The following RANBP2 variants were observed in gnomAD, a reference collection of about 807,000 sequenced individuals.
RANBP2 encodes the protein RAN binding protein 2, also known as E3 SUMO-protein ligase RanBP2.
In RANBP2, 57 loss-of-function variants were observed where a neutral mutation model predicts 303.6. The observed-to-expected ratio is 0.19, with a 90% CI of 0.15 to 0.23. The LOEUF is 0.23. Ranked by LOEUF, RANBP2 falls within the 10% of genes least tolerant of loss-of-function variation. The pLI is 1.00. For missense variants in RANBP2, 3,138 were observed against 3,780.8 expected (o/e 0.83, Z 4.46); for synonymous variants, 1,167 against 1,301.5 (o/e 0.90, Z 2.23).
the RANBP2 span, among the ~76,000 whole-genome samples, chr2:109,330,722 CAAAT>C: frequency 6.6e-5 from 10 of 152,200 alleles, no homozygotes; most frequent in African/African-American, 2.4e-4. Context: ...GATGAATAAA[CAAAT>C]AAATGGAGAG....
chr2:109,086,934 A>T, the RANBP2 span, among the ~76,000 whole-genome samples: 1 of 152,206 alleles, frequency 6.6e-6, no homozygotes, highest in Non-Finnish European at 1.5e-5. Flanking sequence ...ACAAGGGGCG[A>T]TACTAAGCTC....
At chr2:109,677,155 C>T in the RANBP2 span, among the ~76,000 whole-genome samples, 1 of 152,112 alleles carries the variant, frequency 6.6e-6, no homozygotes, top group Non-Finnish European at 1.5e-5. Flanking sequence ...GCATCACCTC[C>T]TCTGGGCACC....
the RANBP2 span, among the ~76,000 whole-genome samples, chr2:109,392,505 C>G: frequency 6.6e-6 from 1 of 151,954 alleles, no homozygotes; most frequent in South Asian, 2.1e-4. Context: ...CACCAGGCCC[C>G]TTGCTTCTTC....
the RANBP2 span, among the ~76,000 whole-genome samples, chr2:108,793,324 C>T: frequency 6.6e-5 from 10 of 152,048 alleles, no homozygotes; most frequent in African/African-American, 2.4e-4. Flanking sequence ...CAGAGTGAGA[C>T]TCCGTCTCAA....
chr2:109,173,715 G>C, the RANBP2 span, among the ~76,000 whole-genome samples: 2 of 152,198 alleles, frequency 1.3e-5, no homozygotes, highest in Admixed American at 1.3e-4. Flanking sequence ...GAAATCCGCT[G>C]TCTGGAGGGG....
chr2:108,822,688 C>G, the RANBP2 span, among the ~76,000 whole-genome samples: 3 of 152,282 alleles, frequency 2.0e-5, no homozygotes, highest in South Asian at 2.1e-4. Context: ...AAAACTCACT[C>G]TACAGCAACC....
the RANBP2 span, among the ~76,000 whole-genome samples, chr2:109,327,544 C>T: frequency 6.6e-6 from 1 of 152,286 alleles, no homozygotes; most frequent in South Asian, 2.1e-4. Context: ...ATTGGAAATG[C>T]ATTTGAACTA....
chr2:108,907,311 C>T, the RANBP2 span, among the ~76,000 whole-genome samples: 2 of 152,004 alleles, frequency 1.3e-5, no homozygotes, highest in African/African-American at 4.8e-5. Context: ...CTTTTTTCTC[C>T]TTGCTTATTA....
At chr2:109,033,518 C>T in the RANBP2 span, among the ~76,000 whole-genome samples, 33 of 152,178 alleles carry the variant, frequency 2.2e-4, no homozygotes, top group Non-Finnish European at 4.9e-4. Flanking sequence ...CCCCATCCAC[C>T]TAAAACTAGG....
chr2:109,586,369 G>A, the RANBP2 span, among the ~76,000 whole-genome samples: 5 of 152,128 alleles, frequency 3.3e-5, no homozygotes, highest in African/African-American at 9.7e-5. Context: ...AAGACTTGAG[G>A]GAAGGAAACT....
the RANBP2 span, among the ~76,000 whole-genome samples, chr2:108,853,957 T>C: frequency 1.7e-5 from 2 of 120,522 alleles, no homozygotes; most frequent in Non-Finnish European, 3.3e-5. Flanking sequence ...ACAATAAATA[T>C]ATATAATAAA....
the RANBP2 span, among the ~76,000 whole-genome samples, chr2:108,925,250 G>A: frequency 6.6e-6 from 1 of 152,248 alleles, no homozygotes; most frequent in African/African-American, 2.4e-5. Context: ...AACATTGGCT[G>A]AATGAATGAA....
At chr2:109,050,905 T>C in the RANBP2 span, among the ~76,000 whole-genome samples, 74 of 152,300 alleles carry the variant, frequency 4.9e-4, no homozygotes, top group Non-Finnish European at 9.1e-4. Flanking sequence ...TATAAACGTA[T>C]AATTACAGAG....
the RANBP2 span, among the ~76,000 whole-genome samples, chr2:109,648,336 A>G: frequency 6.6e-6 from 1 of 152,204 alleles, no homozygotes; most frequent in Non-Finnish European, 1.5e-5. Flanking sequence ...GATTTTAAGC[A>G]GCAGAAAGAC....
chr2:109,431,254 G>T, the RANBP2 span, among the ~76,000 whole-genome samples: 2 of 152,342 alleles, frequency 1.3e-5, no homozygotes, highest in South Asian at 2.1e-4. Flanking sequence ...CCACCCAGCA[G>T]CCTGCACTGG....
the RANBP2 span, among the ~76,000 whole-genome samples, chr2:108,831,334 C>T: frequency 3.9e-5 from 6 of 152,250 alleles, no homozygotes; most frequent in Admixed American, 6.5e-5. Flanking sequence ...CTACTACTGC[C>T]ACCCTATGAA....
the RANBP2 span, among the ~76,000 whole-genome samples, chr2:109,462,976 G>GTT: frequency 1.2e-4 from 18 of 152,230 alleles, no homozygotes; most frequent in Non-Finnish European, 2.9e-5. Context: ...CAGTCACCCT[G>GTT]TTAAGGTAGA....
chr2:109,324,774 A>G, the RANBP2 span, among the ~76,000 whole-genome samples: 1 of 152,192 alleles, frequency 6.6e-6, no homozygotes, highest in Non-Finnish European at 1.5e-5. Flanking sequence ...ATGAATGTCC[A>G]GACGGGGATA....
the RANBP2 span, among the ~76,000 whole-genome samples, chr2:108,986,345 T>C: frequency 1.3e-5 from 2 of 152,196 alleles, no homozygotes; most frequent in African/African-American, 4.8e-5. Flanking sequence ...TGAGTGTGTC[T>C]GGGGCTGACA....
Sources: allele counts gnomAD v4.1 joint callset (sites outside exome capture counted in the v4.1 genomes callset), GRCh38; gene constraint gnomAD v4.1.1; transcripts MANE v1.5; gene names NCBI Gene and HGNC (gene_info 2026-07-23, HGNC 2026-07-21).